The following ATRX variants were observed in gnomAD, a reference collection of about 807,000 sequenced individuals.
ATRX encodes the protein ATRX chromatin remodeler.
Under a neutral mutation model 172.6 loss-of-function variants are expected in ATRX, and 12 were observed. The observed-to-expected ratio is 0.07, with a 90% confidence interval of 0.04 to 0.11. The LOEUF (loss-of-function observed/expected upper bound fraction) is 0.11, where lower values mean the gene tolerates loss of function less well. Ranked by LOEUF, ATRX falls within the 10% of genes least tolerant of loss-of-function variation. The pLI, the probability that ATRX is intolerant of heterozygous loss-of-function variation, is 1.00. For missense variants in ATRX, 1,368 were observed against 1,767.4 expected (o/e 0.77, Z 4.05); for synonymous variants, 674 against 594.7 (o/e 1.13, Z -1.94).
intron 20 of ATRX, among the ~76,000 whole-genome samples, chrX:77,619,974 C>A (rs1451864332): frequency 8.9e-6 from 1 of 111,778 alleles, no homozygotes; most frequent in African/African-American, 3.3e-5. Flanking sequence ...ATTCAGCAAA[C>A]CTCTCCTTCT....
rs2071344958 is a variant in ATRX at position 77,683,122 on chromosome X, T to C, written c.2134A>G (p.Lys712Glu). ...NSSDSAIDNPKPNKLPKSKQS... is the reference protein window; with the variant it reads ...NSSDSAIDNPEPNKLPKSKQS... ...TTAGATTTTGGCAATTTATTAGGCT[T>C]AGGATTATCTATAGCACTGTCAGAA... is the stretch of plus-strand genomic sequence containing the variant. The change falls in exon 9 of 35, where the codon AAG becomes GAG. Residue 712 changes from lysine to glutamate, a missense_variant. Around this residue, in one of 17 missense-constraint regions of ATRX, gnomAD observed 843 missense variants for 643.1 expected, o/e 1.31. Transcript: ENST00000373344. The C allele has an allele frequency of 8.3e-7, 1 of 1,210,955 alleles. No individual in the cohort carries two copies. Among genetic ancestry groups the C allele is most frequent in the Non-Finnish European group, 1.1e-6 (1 of 894,940 alleles).
At chrX:77,617,253 T>C (rs1454779493) in intron 21 of ATRX, among the ~76,000 whole-genome samples, 1 of 111,970 alleles carries the variant, frequency 8.9e-6, no homozygotes. Context: ...CTTGAAACCA[T>C]TTTATTGTAA....
rs2071397695 is a variant in ATRX at position 77,683,827 on chromosome X, T to G, written c.1429A>C (p.Asn477His). The G allele has an allele frequency of 5.0e-6, 6 of 1,209,791 alleles. No individual in the cohort carries two copies. Among genetic ancestry groups the G allele is most frequent in the Non-Finnish European group, 5.6e-6 (5 of 893,560 alleles). ...KQVDSEHMHQ[N>H]VPTEEQRTNK... ...GTTCTTTGTTCCTCTGTTGGAACAT[T>G]CTGATGCATGTGCTCACTATCTACC... Residue 477 changes from asparagine to histidine, a missense_variant, in exon 9 of 35, where the codon AAT (asparagine) becomes CAT (histidine). By Grantham distance (68) the Asn-to-His change is moderately conservative. This residue lies in a region of ATRX where 843 missense variants were observed against 643.1 expected (regional missense o/e 1.31). Transcript: ENST00000373344.
chrX:77,700,223 C>T (rs961998911), intron 2 of ATRX, among the ~76,000 whole-genome samples: 2 of 111,526 alleles, frequency 1.8e-5, no homozygotes, highest in African/African-American at 3.3e-5. Flanking sequence ...GATATACAGA[C>T]GCAAATAAGC....
intron 11 of ATRX, 100 bp downstream of exon 11, chrX:77,664,545 C>T (rs2070128199): frequency 1.7e-5 from 19 of 1,112,421 alleles, no homozygotes; most frequent in East Asian, 9.2e-5. Flanking sequence ...GCCACCACGC[C>T]GGGCCATATT....
At chrX:77,596,839 A>C (rs955337533) in intron 25 of ATRX, 6 of 111,545 alleles carry the variant, frequency 5.4e-5, no homozygotes, top group Non-Finnish European at 1.1e-4. Context: ...TACACTTTAA[A>C]AAAAAAATCT....
Position 77,634,645 on chromosome X carries a change from T to C in ATRX, c.4758A>G (p.Pro1586=), listed in dbSNP as rs2148350000. The change falls in exon 17 of 35, where the codon CCA becomes CCG. Residue 1586 remains proline, a synonymous_variant. Coordinates refer to ENST00000373344, the MANE Select transcript of ATRX (RefSeq NM_000489.6). ...AGTGGGCAAGAATGCATCCTGAACC[T>C]GGAGATTTCTTTGTTTTTTTCACAG... ...CESVKKTKKS[P]GSGCILAHCM... 1 of 1,211,704 alleles carries C rather than the reference T, an allele frequency of 8.3e-7. No homozygotes were observed. Among genetic ancestry groups the C allele is most frequent in the Non-Finnish European group, 1.1e-6 (1 of 895,435 alleles).
intron 22 of ATRX, among the ~76,000 whole-genome samples, chrX:77,611,849 T>C (rs950806068): frequency 2.1e-4 from 24 of 111,902 alleles, no homozygotes; most frequent in African/African-American, 7.1e-4. Context: ...CTACACAATG[T>C]ATACATGTAT....
chrX:77,652,496 T>TA, intron 14 of ATRX, 143 bp from the exon 15 acceptor site: 1 of 616,804 alleles, frequency 1.6e-6, no homozygotes, highest in Non-Finnish European at 2.3e-6. Context: ...TAGAGTAGTA[T>TA]TAAAAAAAAA....
intron 22 of ATRX, chrX:77,600,819 A>C (rs1602740671): frequency 3.6e-6 from 1 of 277,254 alleles, no homozygotes; most frequent in Non-Finnish European, 6.4e-6. Flanking sequence ...TGCATTAAGT[A>C]ACAAAATATG....
chrX:77,751,743 G>C (rs1422337105), intron 1 of ATRX, among the ~76,000 whole-genome samples: 1 of 112,194 alleles, frequency 8.9e-6, no homozygotes, highest in Non-Finnish European at 1.9e-5. Flanking sequence ...TGGCTAGCCA[G>C]TTTTCCCAGC....
At chrX:77,510,096 C>T (rs1466423619) in intron 34 of ATRX, among the ~76,000 whole-genome samples, 2 of 111,964 alleles carry the variant, frequency 1.8e-5, no homozygotes, top group Non-Finnish European at 3.8e-5. Flanking sequence ...TTGAATATCA[C>T]GTCAGCCACA....
At chrX:77,776,098 T>G (rs1180797420) in intron 1 of ATRX, among the ~76,000 whole-genome samples, 3 of 112,298 alleles carry the variant, frequency 2.7e-5, no homozygotes, top group African/African-American at 9.7e-5. Flanking sequence ...CTGTTTTAAG[T>G]GAAATGTCTT....
At chrX:77,715,313 C>T (rs1201748887) in intron 2 of ATRX, among the ~76,000 whole-genome samples, 2 of 111,393 alleles carry the variant, frequency 1.8e-5, no homozygotes, top group African/African-American at 6.5e-5. Context: ...CATTGTGTTC[C>T]GATTACCTAC....
At chrX:77,667,799 A>C (rs1303459145) in intron 10 of ATRX, among the ~76,000 whole-genome samples, 1 of 112,035 alleles carries the variant, frequency 8.9e-6, no homozygotes, top group African/African-American at 3.2e-5. Flanking sequence ...AGTACAACTT[A>C]GCGACAACTT....
At position 77,684,600 on chromosome X, in the gene ATRX, T is replaced by C. The variant is rs782384798; in HGVS notation, c.663-7A>G. On this transcript the variant is annotated splice_region_variant and splice_polypyrimidine_tract_variant and intron_variant, in intron 8 of 34. Coordinates refer to ENST00000373344, the MANE Select transcript of ATRX (RefSeq NM_000489.6). Reference sequence around the variant, plus strand: ...TCCACCTTCCGCACACCACCTGAAATGTTTTAAAGATTAAAACATTATTCC... The same window carrying C: ...TCCACCTTCCGCACACCACCTGAAACGTTTTAAAGATTAAAACATTATTCC... 6 of 1,201,017 alleles carry C rather than the reference T, an allele frequency of 5.0e-6. No individual in the cohort carries two copies. The highest frequency in any genetic ancestry group is 2.3e-4 in the Middle Eastern group (1 of 4,331).
At chrX:77,742,982 T>C (rs781982512) in intron 1 of ATRX, among the ~76,000 whole-genome samples, 2 of 111,212 alleles carry the variant, frequency 1.8e-5, no homozygotes, top group East Asian at 2.8e-4. Context: ...GGGCCAGTCC[T>C]AGCCATTAGG....
At chrX:77,511,570 TGGA>T (rs2062869959) in intron 34 of ATRX, among the ~76,000 whole-genome samples, 1 of 111,133 alleles carries the variant, frequency 9.0e-6, no homozygotes, top group South Asian at 3.8e-4. Flanking sequence ...CAAGATAATA[TGGA>T]GAAGAAACTG....
chrX:77,733,107 C>T (rs1288890905), intron 1 of ATRX, among the ~76,000 whole-genome samples: 1 of 111,827 alleles, frequency 8.9e-6, no homozygotes, highest in Non-Finnish European at 1.9e-5. Flanking sequence ...CATTTCTAAA[C>T]ATCGACAGTG....
Sources: allele counts gnomAD v4.1 joint callset (sites outside exome capture counted in the v4.1 genomes callset), GRCh38; gene constraint gnomAD v4.1.1; regional missense constraint gnomAD v4.1.1; transcripts MANE v1.5; gene names NCBI Gene and HGNC (gene_info 2026-07-23, HGNC 2026-07-21).